UNC13C: variants seen among roughly 807,000 people sequenced by gnomAD.
UNC13C encodes the protein unc-13 homolog C, also known as protein unc-13 homolog C.
A neutral mutation model predicts 245.4 loss-of-function variants in UNC13C; 174 were observed. The ratio of observed to expected loss-of-function variants is 0.71; its 90% confidence interval spans 0.63 to 0.80. The LOEUF (loss-of-function observed/expected upper bound fraction) is 0.80, where lower values mean the gene tolerates loss of function less well. Among genes scored for constraint, UNC13C ranks in the 30% least tolerant of loss-of-function variants. The pLI, the probability that UNC13C is intolerant of heterozygous loss-of-function variation, is 0.00. For synonymous variants in UNC13C, 992 were observed against 895.1 expected (o/e 1.11, Z -1.93); for missense variants, 2,829 against 2,602.9 (o/e 1.09, Z -1.89).
chr15:54,499,879 G>T (rs776031270), intron 20 of UNC13C, among the ~76,000 whole-genome samples, 200 bp from the exon 21 acceptor site: 2 of 152,098 alleles, frequency 1.3e-5, no homozygotes, highest in Non-Finnish European at 2.9e-5. Flanking sequence ...AACCAAGACG[G>T]GGGTAGAGGT....
intron 2 of UNC13C, among the ~76,000 whole-genome samples, chr15:54,139,451 T>TA (rs1459024900): frequency 2.0e-5 from 3 of 152,128 alleles, no homozygotes; most frequent in Non-Finnish European, 4.4e-5. Flanking sequence ...ATAACAAAAA[T>TA]AATTTCCTTA....
intron 19 of UNC13C, among the ~76,000 whole-genome samples, chr15:54,466,066 A>G (rs998421583): frequency 6.6e-6 from 1 of 151,964 alleles, no homozygotes; most frequent in African/African-American, 2.4e-5. Flanking sequence ...AGGTTATTAC[A>G]TTTAATGAAA....
intron 29 of UNC13C, among the ~76,000 whole-genome samples, chr15:54,565,427 T>G (rs954501530): frequency 2.0e-4 from 30 of 152,030 alleles, no homozygotes; most frequent in African/African-American, 6.8e-4. Context: ...GAATCCACAG[T>G]GCAATCTTAC....
At chr15:54,350,498 T>A (rs1596266081) in intron 17 of UNC13C, among the ~76,000 whole-genome samples, 1 of 152,076 alleles carries the variant, frequency 6.6e-6, no homozygotes, top group African/African-American at 2.4e-5. Context: ...TGATCTAAAT[T>A]CTTAAACAAG....
intron 1 of UNC13C, among the ~76,000 whole-genome samples, chr15:53,991,012 A>G (rs921845384): frequency 6.6e-6 from 1 of 152,052 alleles, no homozygotes; most frequent in Admixed American, 6.6e-5. Context: ...GGTAATAAGT[A>G]GGGCCACACC....
At chr15:54,531,307 A>G (rs1895725531) in intron 25 of UNC13C, among the ~76,000 whole-genome samples, 1 of 152,228 alleles carries the variant, frequency 6.6e-6, no homozygotes, top group Non-Finnish European at 1.5e-5. Flanking sequence ...GAAGTGGTCC[A>G]AGGATGAAGC....
chr15:54,044,478 G>A, intron 2 of UNC13C: 1 of 265,286 alleles, frequency 3.8e-6, no homozygotes, highest in South Asian at 3.3e-5. Context: ...GGAACTCTTT[G>A]TTTAACTGTT....
At chr15:54,556,524 A>T (rs1179950960) in intron 29 of UNC13C, among the ~76,000 whole-genome samples, 4 of 152,020 alleles carry the variant, frequency 2.6e-5, no homozygotes, top group Admixed American at 2.6e-4. Context: ...ACCTGGAGGC[A>T]CCTGGATCAC....
chr15:54,103,325 C>T (rs1029355261), intron 2 of UNC13C, among the ~76,000 whole-genome samples: 2 of 152,166 alleles, frequency 1.3e-5, no homozygotes, highest in African/African-American at 4.8e-5. Flanking sequence ...AGCCTGTCTT[C>T]CTTACCTTAT....
At chr15:54,559,484 A>T (rs920935389) in intron 29 of UNC13C, among the ~76,000 whole-genome samples, 1 of 152,044 alleles carries the variant, frequency 6.6e-6, no homozygotes, top group African/African-American at 2.4e-5. Context: ...TACCTAGTTT[A>T]GAGGATTGCA....
chr15:54,587,576 A>C lies in UNC13C; in HGVS notation c.6106+19629A>C, dbSNP rs142687155. 4.0e-3 allele frequency among the ~76,000 whole-genome samples: 609 copies of C among 152,322 alleles called. 3 individuals carry two copies. Among genetic ancestry groups the C allele is most frequent in the Middle Eastern group, 6.8e-3 (2 of 294 alleles). On this transcript the variant is annotated intron_variant, in intron 30 of 32. Coordinates refer to ENST00000260323, the MANE Select transcript of UNC13C (RefSeq NM_001080534.3). The stretch of plus-strand genomic sequence containing the variant: ...GTTTGGGACCAGCCTTCAGGACCTC[A>C]GTACTCCACTCTTCTAATGTATGGT...
At chr15:53,980,128 T>C (rs2140944624) in intron 1 of UNC13C, among the ~76,000 whole-genome samples, 1 of 152,316 alleles carries the variant, frequency 6.6e-6, no homozygotes, top group East Asian at 1.9e-4. Context: ...AAGTGGGCTT[T>C]AAATTGTCAT....
At chr15:54,155,720 A>G (rs2032716263) in intron 4 of UNC13C, among the ~76,000 whole-genome samples, 1 of 152,220 alleles carries the variant, frequency 6.6e-6, no homozygotes, top group African/African-American at 2.4e-5. Flanking sequence ...GGTGAATAAA[A>G]GTGTTCTGTA....
the UNC13C span, among the ~76,000 whole-genome samples, chr15:53,893,443 G>A: frequency 1.3e-5 from 2 of 152,214 alleles, no homozygotes; most frequent in Non-Finnish European, 2.9e-5. Flanking sequence ...ATCTGCTGAA[G>A]CTGCACCCAT....
chr15:54,472,680 G>GT (rs1245867469), intron 19 of UNC13C, among the ~76,000 whole-genome samples: 8 of 151,756 alleles, frequency 5.3e-5, no homozygotes, highest in Admixed American at 6.6e-5. Flanking sequence ...TTGGTTGACA[G>GT]TTTTTTTCTC....
At chr15:53,898,749 C>G in the UNC13C span, among the ~76,000 whole-genome samples, 1 of 152,190 alleles carries the variant, frequency 6.6e-6, no homozygotes, top group Admixed American at 6.5e-5. Flanking sequence ...AGCTACTTAA[C>G]ACATCTATCA....
At chr15:54,009,905 A>T (rs1895307851) in intron 1 of UNC13C, among the ~76,000 whole-genome samples, 1 of 152,114 alleles carries the variant, frequency 6.6e-6, no homozygotes, top group Non-Finnish European at 1.5e-5. Flanking sequence ...GCCAATAACC[A>T]TTAGTGCCTA....
chr15:54,345,926 C>T (rs1394465272), intron 17 of UNC13C, among the ~76,000 whole-genome samples: 1 of 152,162 alleles, frequency 6.6e-6, no homozygotes, highest in Admixed American at 6.5e-5. Flanking sequence ...ATTTACCTGC[C>T]TGGAGCGGGC....
chr15:54,448,767 C>T (rs1444397142), intron 19 of UNC13C, among the ~76,000 whole-genome samples: 1 of 152,128 alleles, frequency 6.6e-6, no homozygotes, highest in Non-Finnish European at 1.5e-5. Flanking sequence ...GCATTTAGCC[C>T]ATTTACATTT....
Sources: gnomAD v4.1 joint callset for allele counts (sites outside exome capture counted in the v4.1 genomes callset) on GRCh38, gnomAD v4.1.1 for gene constraint, MANE v1.5 for transcripts, NCBI Gene and HGNC (gene_info 2026-07-23, HGNC 2026-07-21) for gene names.